The following BNC2 variants were observed in gnomAD, a reference collection of about 807,000 sequenced individuals.
The protein encoded by BNC2 is basonuclin zinc finger protein 2.
Under a neutral mutation model 76.3 loss-of-function variants are expected in BNC2, and 20 were observed. That is an observed-to-expected ratio of 0.26 (90% CI 0.18 to 0.38). BNC2 has a LOEUF of 0.38. Among genes scored for constraint, BNC2 ranks in the 10% least tolerant of loss-of-function variants. The pLI is 1.00. For synonymous variants in BNC2, 582 were observed against 514.8 expected (o/e 1.13, Z -1.77); for missense variants, 1,382 against 1,399.8 (o/e 0.99, Z 0.20).
intron 1 of BNC2, among the ~76,000 whole-genome samples, chr9:16,830,135 A>T (rs989607030): frequency 3.3e-5 from 5 of 152,270 alleles, no homozygotes; most frequent in Non-Finnish European, 4.4e-5. Context: ...TTTTCTTTCA[A>T]AAACTCCACA....
intron 1 of BNC2, among the ~76,000 whole-genome samples, chr9:16,791,834 G>A (rs538147271): frequency 3.4e-4 from 52 of 152,192 alleles, no homozygotes; most frequent in Admixed American, 1.1e-3. Flanking sequence ...CAGGCACGGC[G>A]GCTCACACCT....
intron 5 of BNC2, among the ~76,000 whole-genome samples, chr9:16,465,732 C>T (rs1587061305): frequency 2.0e-5 from 3 of 152,106 alleles, no homozygotes; most frequent in East Asian, 1.9e-4. Flanking sequence ...TAACATATCT[C>T]AATAAACTGC....
intron 1 of BNC2, among the ~76,000 whole-genome samples, chr9:16,861,125 T>G (rs1168236918): frequency 6.7e-6 from 1 of 150,282 alleles, no homozygotes; most frequent in African/African-American, 2.5e-5. Context: ...CAGGATCGCT[T>G]GAGGCCAGGA....
intron 5 of BNC2, among the ~76,000 whole-genome samples, chr9:16,450,754 G>C (rs1338962909): frequency 1.3e-5 from 2 of 152,220 alleles, no homozygotes; most frequent in East Asian, 3.8e-4. Context: ...AGGGAAACAT[G>C]AAAGCCAGAG....
intron 5 of BNC2, among the ~76,000 whole-genome samples, chr9:16,545,423 T>C (rs1343538619): frequency 1.3e-5 from 2 of 152,200 alleles, no homozygotes; most frequent in African/African-American, 2.4e-5. Context: ...ATCAAAGCCA[T>C]GAGTACTATT....
rs1291341421 is a variant in BNC2, at chr9:16,569,700, T to G, written c.433+13283A>C. Among the ~76,000 whole-genome samples, 3 of 152,234 alleles carry G rather than the reference T, an allele frequency of 2.0e-5. No individual in the cohort carries two copies. The South Asian group carries it at 6.2e-4, about 31-fold the overall frequency. ...CTTACATGGCCCACTTTTGGGGGCATGCCTTTGCTCTTTTGCAGCAACTCC... is the reference window on the plus strand; with the variant it reads ...CTTACATGGCCCACTTTTGGGGGCAGGCCTTTGCTCTTTTGCAGCAACTCC... On this transcript the variant is annotated intron_variant, in intron 4 of 6. Coordinates refer to ENST00000380672, the MANE Select transcript of BNC2 (RefSeq NM_017637.6).
intron 5 of BNC2, among the ~76,000 whole-genome samples, chr9:16,445,351 C>G (rs1358025711): frequency 1.3e-5 from 2 of 152,132 alleles, no homozygotes; most frequent in Non-Finnish European, 2.9e-5. Context: ...TCACACAAAG[C>G]TCTTTTATGT....
At chr9:16,750,166 A>G (rs1258073817) in intron 1 of BNC2, among the ~76,000 whole-genome samples, 1 of 152,170 alleles carries the variant, frequency 6.6e-6, no homozygotes, top group Non-Finnish European at 1.5e-5. Flanking sequence ...ACCTAAAATA[A>G]TTTTAGCTCT....
chr9:16,510,278 G>A (rs1822722301), intron 5 of BNC2, among the ~76,000 whole-genome samples: 2 of 152,188 alleles, frequency 1.3e-5, no homozygotes, highest in Admixed American at 1.3e-4. Context: ...CCTCCTGCTA[G>A]GCCTGCATCC....
At chr9:16,710,906 T>G (rs1227089029) in intron 3 of BNC2, among the ~76,000 whole-genome samples, 1 of 152,216 alleles carries the variant, frequency 6.6e-6, no homozygotes, top group East Asian at 1.9e-4. Flanking sequence ...AAAACCTAAA[T>G]TAACACTTGA....
chr9:16,589,660 C>G (rs1390059579), intron 3 of BNC2, among the ~76,000 whole-genome samples: 1 of 152,126 alleles, frequency 6.6e-6, no homozygotes, highest in East Asian at 1.9e-4. Context: ...ATGCACGCAC[C>G]ACCACACCGG....
chr9:16,746,669 C>T (rs1587374991), intron 1 of BNC2, among the ~76,000 whole-genome samples: 1 of 150,900 alleles, frequency 6.6e-6, no homozygotes, highest in African/African-American at 2.4e-5. Flanking sequence ...CTGGCCTAAA[C>T]TTAAAATTCG....
At position 16,511,105 on chromosome 9, in the gene BNC2, CTTTT is replaced by C. The variant is rs34511398; in HGVS notation, c.669+41421_669+41424del. On this transcript the variant is annotated intron_variant, in intron 5 of 6. Transcript: ENST00000380672. ...AAGCTAATGGAGATCACTAAACTTA[CTTTT>C]TTTTTTTTTTTTTTTTTAAGAAACA... Among the ~76,000 whole-genome samples, 4 of 125,220 alleles carry C rather than the reference CTTTT, an allele frequency of 3.2e-5. No individual in the cohort carries two copies. In the South Asian group the frequency reaches 8.2e-4, roughly 26 times the overall value. The allele number at this position is 125,220 out of a possible 152,430, so 82.1% of individuals were successfully genotyped here. A position where few individuals can be genotyped will look rare whatever the true frequency, so the allele number is the denominator to read the frequency against.
chr9:16,419,106 T>C lies in BNC2; in HGVS notation c.3183A>G (p.Glu1061=). The part of the protein sequence containing the change: ...RVHYKTVHLR[E]MHKCKVPGCN... ...AACCTGGGACTTTGCACTTGTGCAT[T>C]TCTCTCAAATGCACAGTTTTGTAGT... The change falls in exon 7 of 7, where the codon GAA becomes GAG. Residue 1061 remains glutamate (E), a synonymous_variant. Coordinates refer to ENST00000380672, the MANE Select transcript of BNC2 (RefSeq NM_017637.6). 2 of 1,614,212 alleles carry C rather than the reference T, an allele frequency of 1.2e-6. No individual in the cohort carries two copies. The highest frequency in any genetic ancestry group is 1.6e-4 in the Middle Eastern group (1 of 6,062).
At chr9:16,443,216 C>G (rs983390334) in intron 5 of BNC2, among the ~76,000 whole-genome samples, 1 of 151,962 alleles carries the variant, frequency 6.6e-6, no homozygotes, top group Non-Finnish European at 1.5e-5. Context: ...CTTGATATAA[C>G]TGTAGAGCTT....
At chr9:16,669,721 C>T (rs1400988769) in intron 3 of BNC2, among the ~76,000 whole-genome samples, 1 of 152,188 alleles carries the variant, frequency 6.6e-6, no homozygotes, top group East Asian at 1.9e-4. Flanking sequence ...TCTCTAACTG[C>T]TTAAATTATC....
chr9:16,846,114 T>C (rs922968144), intron 1 of BNC2, among the ~76,000 whole-genome samples: 3 of 144,388 alleles, frequency 2.1e-5, no homozygotes, highest in African/African-American at 7.8e-5. Context: ...CACTCCAACG[T>C]GGGAGACAGA....
chr9:16,573,234 A>C (rs1359811955), intron 4 of BNC2, among the ~76,000 whole-genome samples: 4 of 149,488 alleles, frequency 2.7e-5, no homozygotes, highest in East Asian at 3.9e-4. Context: ...AAAAAAAAAA[A>C]AAACAGAAAA....
chr9:16,431,076 T>C (rs1014213872), intron 6 of BNC2, among the ~76,000 whole-genome samples: 5 of 152,166 alleles, frequency 3.3e-5, no homozygotes, highest in African/African-American at 1.2e-4. Flanking sequence ...GGAACAAAGA[T>C]AGTAAAACTC....
Sources: gnomAD v4.1 joint callset for allele counts (sites outside exome capture counted in the v4.1 genomes callset) on GRCh38, gnomAD v4.1.1 for gene constraint, MANE v1.5 for transcripts, NCBI Gene and HGNC (gene_info 2026-07-23, HGNC 2026-07-21) for gene names.